The following HPSE2 variants were observed in gnomAD, a reference collection of about 807,000 sequenced individuals.
The protein encoded by HPSE2 is inactive heparanase-2.
HPSE2 carries 38 observed loss-of-function variants against 60.5 expected under a neutral mutation model. The ratio of observed to expected loss-of-function variants is 0.63; its 90% CI spans 0.48 to 0.82. The LOEUF is 0.82. HPSE2 is among the 40% of genes least tolerant of loss of function. The probability of loss-of-function intolerance (pLI) is 0.00; values close to 1 mark genes in which losing one functional copy is unlikely to be tolerated. For synonymous variants in HPSE2, 295 were observed against 293.2 expected, an observed-to-expected ratio of 1.01 and a Z score of -0.06; for missense variants, 713 against 740.4, an observed-to-expected ratio of 0.96 and a Z score of 0.43.
intron 2 of HPSE2, among the ~76,000 whole-genome samples, chr10:99,145,364 G>C (rs1007577702): frequency 4.3e-5 from 5 of 117,382 alleles, no homozygotes; most frequent in Non-Finnish European, 8.2e-5. Flanking sequence ...GGCTGAGGCA[G>C]GAGAATCACT....
chr10:98,857,965 A>C (rs1403042711), intron 3 of HPSE2, among the ~76,000 whole-genome samples: 2 of 152,188 alleles, frequency 1.3e-5, no homozygotes, highest in African/African-American at 2.4e-5. Flanking sequence ...TATAAAGGAA[A>C]ACCACTGGTC....
intron 3 of HPSE2, among the ~76,000 whole-genome samples, chr10:98,967,280 C>T (rs964892646): frequency 2.6e-5 from 4 of 152,190 alleles, no homozygotes; most frequent in African/African-American, 9.7e-5. Context: ...ATGTGGTTCT[C>T]CATTGGAGTT....
the HPSE2 span, among the ~76,000 whole-genome samples, chr10:99,264,375 C>T: frequency 1.3e-5 from 2 of 152,198 alleles, no homozygotes; most frequent in Non-Finnish European, 2.9e-5. Flanking sequence ...GCGTGAGGCA[C>T]TGCACCCAGC....
chr10:98,615,706 C>T (rs189054877), intron 8 of HPSE2, among the ~76,000 whole-genome samples: 48 of 152,330 alleles, frequency 3.2e-4, no homozygotes, highest in Non-Finnish European at 5.6e-4. Context: ...TTCAAAAATA[C>T]TGCCCTCTTA....
intron 3 of HPSE2, among the ~76,000 whole-genome samples, chr10:98,926,973 G>A (rs1181210513): frequency 2.6e-5 from 4 of 152,152 alleles, no homozygotes; most frequent in Non-Finnish European, 4.4e-5. Flanking sequence ...GGGTCTGAGA[G>A]ACAGTTTGTT....
intron 3 of HPSE2, among the ~76,000 whole-genome samples, chr10:98,913,520 T>G (rs370868944): frequency 1.3e-5 from 2 of 152,292 alleles, no homozygotes; most frequent in East Asian, 1.9e-4. Context: ...GGCCCAATAA[T>G]AGTTGAAAAA....
At chr10:98,600,141 G>T (rs1458717087) in intron 9 of HPSE2, among the ~76,000 whole-genome samples, 1 of 152,130 alleles carries the variant, frequency 6.6e-6, no homozygotes, top group African/African-American at 2.4e-5. Flanking sequence ...TTTACTGCTT[G>T]CAAGAACATA....
chr10:98,737,060 G>GT (rs1164234283), intron 4 of HPSE2, among the ~76,000 whole-genome samples: 1 of 152,058 alleles, frequency 6.6e-6, no homozygotes, highest in Non-Finnish European at 1.5e-5. Context: ...ATGGTTTCTT[G>GT]TTTTTTTCTT....
chr10:99,006,856 A>G (rs1283482643), intron 3 of HPSE2, among the ~76,000 whole-genome samples: 1 of 151,630 alleles, frequency 6.6e-6, no homozygotes, highest in East Asian at 2.0e-4. Flanking sequence ...TCAGGCCTGG[A>G]GCCAAGGGCT....
In HPSE2 at chr10:98,934,337, T is replaced by C. The variant is rs533245320; in HGVS notation, c.611-190281A>G. Among the ~76,000 whole-genome samples, 11 of 144,416 alleles carry C rather than the reference T, an allele frequency of 7.6e-5. 2 individuals carry two copies. In the South Asian group the frequency reaches 1.5e-3, roughly 19 times the overall value. The allele number at this position is 144,416 out of a possible 152,430, so 94.7% of individuals were successfully genotyped here. On this transcript the variant is annotated intron_variant, in intron 3 of 11. Coordinates refer to ENST00000370552, the MANE Select transcript of HPSE2 (RefSeq NM_021828.5). Reference sequence around the variant, plus strand: ...TCATCATGATGCTGGCTGGTTAATTTTGCAGACTTGTTAATGTAGTTCCTT... The same window carrying C: ...TCATCATGATGCTGGCTGGTTAATTCTGCAGACTTGTTAATGTAGTTCCTT...
At chr10:98,989,117 AC>A (rs1303127139) in intron 3 of HPSE2, among the ~76,000 whole-genome samples, 1 of 152,058 alleles carries the variant, frequency 6.6e-6, no homozygotes, top group Non-Finnish European at 1.5e-5. Context: ...AACTAGAAAT[AC>A]CACTTGACCC....
intron 3 of HPSE2, among the ~76,000 whole-genome samples, chr10:98,987,354 A>C (rs1357877779): frequency 1.3e-5 from 2 of 152,202 alleles, no homozygotes; most frequent in African/African-American, 4.8e-5. Flanking sequence ...AAGCAAATCA[A>C]TAAACGTAAT....
intron 3 of HPSE2, among the ~76,000 whole-genome samples, chr10:99,021,783 T>C (rs1176877399): frequency 6.7e-6 from 1 of 148,412 alleles, no homozygotes; most frequent in Non-Finnish European, 1.5e-5. Flanking sequence ...CACACAGTTA[T>C]ATATGAAGGA....
chr10:98,689,695 T>C (rs1040533755), intron 6 of HPSE2, among the ~76,000 whole-genome samples: 11 of 152,200 alleles, frequency 7.2e-5, no homozygotes, highest in African/African-American at 4.8e-5. Flanking sequence ...GTGGATGATA[T>C]ACTACAGAGA....
At chr10:98,940,227 A>G (rs1315521819) in intron 3 of HPSE2, among the ~76,000 whole-genome samples, 1 of 143,952 alleles carries the variant, frequency 6.9e-6, no homozygotes, top group Admixed American at 6.9e-5. Flanking sequence ...AGAAATAACT[A>G]AAACCAGAGC....
At chr10:99,100,034 G>C (rs1327514857) in intron 3 of HPSE2, among the ~76,000 whole-genome samples, 1 of 152,146 alleles carries the variant, frequency 6.6e-6, no homozygotes, top group South Asian at 2.1e-4. Context: ...AAACCACAAA[G>C]ATGGGGAAAA....
At chr10:99,169,192 C>CAAAA (rs751491579) in intron 2 of HPSE2, among the ~76,000 whole-genome samples, 2 of 50,506 alleles carry the variant, frequency 4.0e-5, no homozygotes, top group Non-Finnish European at 7.5e-5. Context: ...GACTCCGTCT[C>CAAAA]AAAAAAAAAA....
intron 3 of HPSE2, among the ~76,000 whole-genome samples, chr10:98,781,659 T>C (rs1275847254): frequency 2.6e-5 from 4 of 151,978 alleles, no homozygotes; most frequent in Non-Finnish European, 4.4e-5. Flanking sequence ...AATTAAAACA[T>C]TTTCTCCACC....
intron 9 of HPSE2, among the ~76,000 whole-genome samples, chr10:98,608,840 G>A (rs895880819): frequency 3.3e-5 from 5 of 152,058 alleles, no homozygotes; most frequent in African/African-American, 7.2e-5. Context: ...AGAGAAAGGC[G>A]GCTTCACCAA....
Sources: allele counts gnomAD v4.1 joint callset (sites outside exome capture counted in the v4.1 genomes callset), GRCh38; gene constraint gnomAD v4.1.1; transcripts MANE v1.5; gene names NCBI Gene and HGNC (gene_info 2026-07-23, HGNC 2026-07-21).